Variants in RGS9 observed in about 807,000 individuals in gnomAD.
RGS9 encodes the protein regulator of G protein signaling 9.
RGS9 carries 78 observed loss-of-function variants against 102.0 expected under a neutral mutation model. The observed-to-expected ratio is 0.76, with a 90% CI of 0.64 to 0.92. RGS9 has a LOEUF of 0.92. Ranked by LOEUF, RGS9 falls within the 40% of genes least tolerant of loss-of-function variation. The pLI, the probability that RGS9 is intolerant of heterozygous loss-of-function variation, is 0.00. For synonymous variants in RGS9, 353 were observed against 318.6 expected, an observed-to-expected ratio of 1.11 and a Z score of -1.15; for missense variants, 833 against 866.1, an observed-to-expected ratio of 0.96 and a Z score of 0.48.
chr17:65,203,255 C>T (rs1469255400), intron 14 of RGS9, among the ~76,000 whole-genome samples: 5 of 152,142 alleles, frequency 3.3e-5, no homozygotes, highest in Non-Finnish European at 5.9e-5. Context: ...GGGAGGGGAT[C>T]CATGCGCTGA....
intron 9 of RGS9, among the ~76,000 whole-genome samples, chr17:65,188,236 T>C (rs747649745): frequency 1.3e-5 from 2 of 152,284 alleles, no homozygotes; most frequent in Non-Finnish European, 2.9e-5. Flanking sequence ...TCCAGGAGCT[T>C]CTAAGAGCCT....
At chr17:65,213,142 T>C (rs1318888670) in intron 17 of RGS9, among the ~76,000 whole-genome samples, 1 of 147,760 alleles carries the variant, frequency 6.8e-6, no homozygotes, top group Non-Finnish European at 1.5e-5. Context: ...AAACAGACTT[T>C]GTGAATTCCG....
intron 1 of RGS9, among the ~76,000 whole-genome samples, chr17:65,145,855 T>C (rs1910338708): frequency 6.7e-6 from 1 of 149,080 alleles, no homozygotes; most frequent in African/African-American, 2.6e-5. Flanking sequence ...TCAGAGGAAT[T>C]TGTACGGGGA....
Position 65,197,181 on chromosome 17 carries a change from T to C in RGS9, c.916T>C (p.Leu306=), listed in dbSNP as rs900810650. The stretch of plus-strand genomic sequence containing the variant: ...ACGATGGGCCTTCAACTTCAGCGAA[T>C]TGATCCGAGACCCCAAAGGTCGACA... ...VERWAFNFSE[L]IRDPKGRQSF... The change falls in exon 13 of 19, where the codon TTG becomes CTG. Residue 306 remains leucine, a synonymous_variant. Transcript: ENST00000262406. The C allele has an allele frequency of 1.2e-5, 19 of 1,613,950 alleles. No individual in the cohort carries two copies. Among genetic ancestry groups the C allele is most frequent in the African/African-American group, 2.7e-5 (2 of 74,924 alleles).
chr17:65,180,474 A>G (rs1911835795), intron 9 of RGS9, among the ~76,000 whole-genome samples: 2 of 151,996 alleles, frequency 1.3e-5, no homozygotes, highest in South Asian at 4.1e-4. Context: ...CAGCCTCCAG[A>G]GTAGCCGCGA....
chr17:65,225,457 G>T lies in RGS9; in HGVS notation c.1863G>T (p.Leu621=). 6.2e-7 allele frequency: 1 copy of T among 1,605,210 alleles called. No individual in the cohort carries two copies. The highest frequency in any genetic ancestry group is 1.1e-5 in the South Asian group (1 of 91,074). Reference sequence around the variant, plus strand: ...CCCTGGGGGACGTGGGCCAGCAGCTGCCACGATTGAAATCCAAGAGAGTAG... The same window carrying T: ...CCCTGGGGGACGTGGGCCAGCAGCTTCCACGATTGAAATCCAAGAGAGTAG... ...VQPLGDVGQQ[L]PRLKSKRVAN... The change falls in exon 18 of 19, where the codon CTG becomes CTT. Residue 621 remains leucine (L), a synonymous_variant. Coordinates refer to ENST00000262406, the MANE Select transcript of RGS9 (RefSeq NM_003835.4).
chr17:65,210,635 A>G (rs1277919240), intron 17 of RGS9, 30 bp downstream of exon 17: 1 of 1,612,436 alleles, frequency 6.2e-7, no homozygotes. Context: ...GCAGGAGCCA[A>G]CTCCAAAAAG....
chr17:65,175,821 A>G (rs1021204417), intron 8 of RGS9, among the ~76,000 whole-genome samples: 8 of 152,220 alleles, frequency 5.3e-5, no homozygotes, highest in Non-Finnish European at 1.0e-4. Context: ...CAAATAAAAT[A>G]CAGGAAATTT....
At chr17:65,165,302 G>C (rs1428885852) in intron 7 of RGS9, among the ~76,000 whole-genome samples, 3 of 152,134 alleles carry the variant, frequency 2.0e-5, no homozygotes, top group Non-Finnish European at 4.4e-5. Flanking sequence ...CCAGGTCCTG[G>C]GACATTCCCC....
rs975654780 is a variant in RGS9 at position 65,173,223 on chromosome 17, C to T, written c.583-4509C>T. On this transcript the variant is annotated intron_variant, in intron 8 of 18. Coordinates refer to ENST00000262406, the MANE Select transcript of RGS9 (RefSeq NM_003835.4). This position sits in a 1 kb window ranked among gnomAD's most constrained non-coding sequence, Gnocchi z 4.8. ...AGGCATGAGCCACCGCGCCTGGCCT[C>T]ATCTCTATTTCTTTCCCCTGTCTTA... Among the ~76,000 whole-genome samples, 8 of 152,142 alleles carry T rather than the reference C, an allele frequency of 5.3e-5. No individual in the cohort carries two copies. Among genetic ancestry groups the T allele is most frequent in the African/African-American group, 1.9e-4 (8 of 41,436 alleles).
At chr17:65,146,751 G>A (rs889432161) in intron 1 of RGS9, among the ~76,000 whole-genome samples, 7 of 149,092 alleles carry the variant, frequency 4.7e-5, no homozygotes, top group Non-Finnish European at 8.9e-5. Flanking sequence ...AAAAATTAGC[G>A]TAGTGGCGCG....
In RGS9 at chr17:65,210,523, C is replaced by T. The variant is rs1353160690; in HGVS notation, c.1325C>T (p.Ser442Phe). 3 of 1,613,904 alleles carry T rather than the reference C, an allele frequency of 1.9e-6. No individual in the cohort carries two copies. Among genetic ancestry groups the T allele is most frequent in the Non-Finnish European group, 8.5e-7 (1 of 1,180,014 alleles). Residue 442 changes from serine to phenylalanine, a missense_variant, in exon 17 of 19, where the codon TCC (serine) becomes TTC (phenylalanine). This residue lies in a region of RGS9 where 185 missense variants were observed against 248.7 expected (regional missense o/e 0.74). Transcript: ENST00000262406. The part of the protein sequence containing the change: ...TLPFMRRHLR[S>F]SPSPVILRQL... ...CCTTTTATGCGGCGTCACCTGCGCTCCAGCCCAAGCCCTGTCATCCTGAGA... is the reference window on the plus strand; with the variant it reads ...CCTTTTATGCGGCGTCACCTGCGCTTCAGCCCAAGCCCTGTCATCCTGAGA...
intron 7 of RGS9, 149 bp from the exon 8 acceptor site, chr17:65,168,051 T>C: frequency 1.5e-6 from 1 of 661,200 alleles, no homozygotes; most frequent in Non-Finnish European, 2.8e-6. Flanking sequence ...AAGTGAGATG[T>C]CAGTGCTTGC....
At chr17:65,192,489 C>A (rs1299055534) in intron 11 of RGS9, among the ~76,000 whole-genome samples, 1 of 151,844 alleles carries the variant, frequency 6.6e-6, no homozygotes, top group Non-Finnish European at 1.5e-5. Flanking sequence ...TGGCACATGC[C>A]CGTGGTCCCA....
chr17:65,225,464 T>C lies in RGS9; in HGVS notation c.1870T>C (p.Leu624=), dbSNP rs770553380. ...GGACGTGGGCCAGCAGCTGCCACGA[T>C]TGAAATCCAAGAGAGTAGCAAAGTA... The part of the protein sequence containing the change: ...LGDVGQQLPR[L]KSKRVANFFQ... Residue 624 remains leucine (L), a synonymous_variant, in exon 18 of 19, where the codon TTG becomes CTG. Transcript: ENST00000262406. 36 of 1,604,112 alleles carry C rather than the reference T, an allele frequency of 2.2e-5. No individual in the cohort carries two copies. The highest frequency in any genetic ancestry group is 3.0e-5 in the Non-Finnish European group (35 of 1,179,970).
intron 18 of RGS9, 126 bp from the exon 19 acceptor site, chr17:65,227,149 C>T (rs570312266): frequency 7.9e-7 from 1 of 1,266,800 alleles, no homozygotes; most frequent in South Asian, 1.2e-5. Context: ...GCTATACCTG[C>T]CCCCACCACA....
intron 7 of RGS9, among the ~76,000 whole-genome samples, chr17:65,167,270 C>T (rs1227288704): frequency 6.6e-6 from 1 of 152,086 alleles, no homozygotes; most frequent in Non-Finnish European, 1.5e-5. Context: ...GGCGCGATCT[C>T]GGCTCACTGC....
intron 11 of RGS9, among the ~76,000 whole-genome samples, chr17:65,193,317 G>T (rs1359728466): frequency 6.6e-6 from 1 of 151,958 alleles, no homozygotes; most frequent in African/African-American, 2.4e-5. Flanking sequence ...CAGAGGGACT[G>T]GATGGAAGAC....
At chr17:65,142,973 A>T (rs1310860420) in intron 1 of RGS9, among the ~76,000 whole-genome samples, 1 of 151,058 alleles carries the variant, frequency 6.6e-6, no homozygotes, top group Non-Finnish European at 1.5e-5. Context: ...CCCAGGCTGG[A>T]CTCAAGCTCC....
Sources: allele counts gnomAD v4.1 joint callset (sites outside exome capture counted in the v4.1 genomes callset), GRCh38; gene constraint gnomAD v4.1.1; regional missense constraint gnomAD v4.1.1; non-coding constraint Gnocchi (gnomAD v3.1); transcripts MANE v1.5; gene names NCBI Gene and HGNC (gene_info 2026-07-23, HGNC 2026-07-21).